Variants in KLF3 observed in about 807,000 individuals in gnomAD.
KLF3 encodes Krueppel-like factor 3.
In KLF3, 6 loss-of-function variants were observed where a neutral mutation model predicts 32.7. The ratio of observed to expected loss-of-function variants is 0.18; its 90% CI spans 0.10 to 0.36. The LOEUF (loss-of-function observed/expected upper bound fraction) is 0.36, where lower values mean the gene tolerates loss of function less well. Ranked by LOEUF, KLF3 falls within the 10% of genes least tolerant of loss-of-function variation. The pLI is 1.00. For missense variants in KLF3, 338 were observed against 449.7 expected, an observed-to-expected ratio of 0.75 and a Z score of 2.25; for synonymous variants, 145 against 172.8, an observed-to-expected ratio of 0.84 and a Z score of 1.26.
In KLF3 at chr4:38,699,980, T is replaced by G. The variant is rs1254483471; in HGVS notation, c.*2717T>G. The stretch of plus-strand genomic sequence containing the variant: ...AATGGTGATTTCAATCGCAATATTT[T>G]AAATTGATGAGAATGATTTGTAAAC... On this transcript the variant is annotated 3_prime_UTR_variant, in exon 6 of 6. Coordinates refer to ENST00000261438, the MANE Select transcript of KLF3 (RefSeq NM_016531.6). 1 of 152,250 alleles carries G rather than the reference T, an allele frequency of 6.6e-6. No homozygotes were observed. Among genetic ancestry groups the G allele is most frequent in the Non-Finnish European group, 1.5e-5 (1 of 68,036 alleles). 9.4% of individuals were successfully genotyped at this position (152,250 alleles called of 1,614,324 possible). A position where few individuals can be genotyped will look rare whatever the true frequency, so the allele number is the denominator to read the frequency against.
Position 38,697,421 on chromosome 4 carries a change from G to C in KLF3, c.*158G>C. ...ATCATCCAAAACTTCCATATGGTCA[G>C]TAGTAGATGTTCTCTAATCCTCCCT... On this transcript the variant is annotated 3_prime_UTR_variant, in exon 6 of 6. Coordinates refer to ENST00000261438, the MANE Select transcript of KLF3 (RefSeq NM_016531.6). The C allele has an allele frequency of 1.6e-6, 1 of 609,110 alleles. No homozygotes were observed. The highest frequency in any genetic ancestry group is 2.7e-6 in the Non-Finnish European group (1 of 366,688). 37.7% of individuals were successfully genotyped at this position (609,110 alleles called of 1,614,324 possible). A position where few individuals can be genotyped will look rare whatever the true frequency, so the allele number is the denominator to read the frequency against.
Position 38,689,710 on chromosome 4 carries a change from T to G in KLF3, c.545-19T>G. 3 of 1,558,514 alleles carry G rather than the reference T, an allele frequency of 1.9e-6. No individual in the cohort carries two copies. Among genetic ancestry groups the G allele is most frequent in the Non-Finnish European group, 2.6e-6 (3 of 1,151,070 alleles). ...TGGTAAACTGTACGTGAAGTGACTT[T>G]TCTATTTTTATTTTTTAGTACCTGT... On this transcript the variant is annotated intron_variant, in intron 3 of 5. Coordinates refer to ENST00000261438, the MANE Select transcript of KLF3 (RefSeq NM_016531.6).
In KLF3 at chr4:38,680,621, A is replaced by G; in HGVS notation, c.-5A>G. ...CAGAGCACCCTAGAAGGTTTAACTA[A>G]AAGAATGCTCATGTTTGACCCAGTT... On this transcript the variant is annotated 5_prime_UTR_variant, in exon 2 of 6. Transcript: ENST00000261438. 3 of 1,612,730 alleles carry G rather than the reference A, an allele frequency of 1.9e-6. No homozygotes were observed. Among genetic ancestry groups the G allele is most frequent in the Non-Finnish European group, 2.5e-6 (3 of 1,178,746 alleles).
At position 38,691,296 on chromosome 4, in the gene KLF3, A is replaced by G. The variant is rs141058270; in HGVS notation, c.695+1417A>G. Among the ~76,000 whole-genome samples the G allele has an allele frequency of 6.6e-4, 100 of 152,286 alleles. 1 individual carries two copies. The highest frequency in any genetic ancestry group is 2.1e-3 in the African/African-American group (88 of 41,556). On this transcript the variant is annotated intron_variant, in intron 4 of 5. Coordinates refer to ENST00000261438, the MANE Select transcript of KLF3 (RefSeq NM_016531.6). The stretch of plus-strand genomic sequence containing the variant: ...CCTGCCATCTTGTCATATCCAACCC[A>G]TTGCATCTGCTCATGCACTCAAGTG...
chr4:38,669,441 G>A (rs2109236605), intron 1 of KLF3, among the ~76,000 whole-genome samples: 1 of 152,190 alleles, frequency 6.6e-6, no homozygotes, highest in South Asian at 2.1e-4. Context: ...ACAGCAGTCT[G>A]CCCTGATAAG....
intron 2 of KLF3, among the ~76,000 whole-genome samples, chr4:38,682,136 G>A (rs1722545323): frequency 6.6e-6 from 1 of 152,238 alleles, no homozygotes; most frequent in Non-Finnish European, 1.5e-5. Context: ...TCAGCTCACT[G>A]CAACCTCCGC....
In KLF3 at chr4:38,680,673, T is replaced by C; in HGVS notation, c.48T>C (p.Pro16=). The change falls in exon 2 of 6, where the codon CCT becomes CCC. Residue 16 remains proline, a synonymous_variant. Transcript: ENST00000261438. Reference sequence around the variant, plus strand: ...CTGTCAAGCAAGAGGCCATGGACCCTGTCTCAGTGGTAAGTTTTCCAAGAT... The same window carrying C: ...CTGTCAAGCAAGAGGCCATGGACCCCGTCTCAGTGGTAAGTTTTCCAAGAT... ...PVPVKQEAMD[P]VSVSYPSNYM... is the part of the protein sequence containing the mutation. 6.2e-7 allele frequency: 1 copy of C among 1,612,822 alleles called. No individual in the cohort carries two copies. The highest frequency in any genetic ancestry group is 8.5e-7 in the Non-Finnish European group (1 of 1,178,814).
intron 2 of KLF3, 77 bp downstream of exon 2, chr4:38,680,759 T>G: frequency 1.6e-6 from 2 of 1,227,256 alleles, no homozygotes. Context: ...GAATTATTCC[T>G]TGAAATCATG....
At chr4:38,694,441 T>C (rs1722989560) in intron 4 of KLF3, among the ~76,000 whole-genome samples, 1 of 152,152 alleles carries the variant, frequency 6.6e-6, no homozygotes, top group South Asian at 2.1e-4. Flanking sequence ...CTTCTTACTG[T>C]CATTACTTAT....
intron 2 of KLF3, among the ~76,000 whole-genome samples, chr4:38,687,699 A>G (rs1311361943): frequency 6.6e-6 from 1 of 152,212 alleles, no homozygotes; most frequent in African/African-American, 2.4e-5. Context: ...TATGTGAGTC[A>G]TATCACGTTA....
Position 38,688,820 on chromosome 4 carries a change from C to T in KLF3, c.293C>T (p.Pro98Leu), listed in dbSNP as rs1722781410. 6.2e-7 allele frequency: 1 copy of T among 1,614,086 alleles called. No homozygotes were observed. The highest frequency in any genetic ancestry group is 8.5e-7 in the Non-Finnish European group (1 of 1,180,042). ...HRRASPGLSM[P>L]SSSPPIKKYS... ...AGAGCCTCGCCTGGGTTGAGCATGC[C>T]TTCTTCCAGCCCACCGATAAAAAAA... Residue 98 changes from proline (P) to leucine (L), a missense_variant, in exon 3 of 6, where the codon CCT becomes CTT. Physicochemically the swap from Pro to Leu is moderately conservative, Grantham distance 98. Around this residue, in one of 2 missense-constraint regions of KLF3, gnomAD observed 272 missense variants for 313.4 expected, o/e 0.87. Transcript: ENST00000261438. This position sits in a 1 kb window ranked among gnomAD's most constrained non-coding sequence, Gnocchi z 4.9.
chr4:38,673,248 CG>C (rs1722252266), intron 1 of KLF3, among the ~76,000 whole-genome samples: 1 of 152,120 alleles, frequency 6.6e-6, no homozygotes, highest in African/African-American at 2.4e-5. Context: ...TGCTGCCCAG[CG>C]CCAACTGGTC....
intron 4 of KLF3, among the ~76,000 whole-genome samples, chr4:38,693,103 T>TACGTATAC (rs1491300202): frequency 2.3e-5 from 2 of 87,124 alleles, no homozygotes; most frequent in African/African-American, 8.8e-5. Flanking sequence ...TATATATATA[T>TACGTATAC]GTACATATAT....
intron 2 of KLF3, 48 bp downstream of exon 2, chr4:38,680,730 G>C (rs778028275): frequency 7.2e-7 from 1 of 1,390,690 alleles, no homozygotes; most frequent in Non-Finnish European, 1.0e-6. Flanking sequence ...TCCAAGTGAT[G>C]ATAACATTAT....
Position 38,674,132 on chromosome 4 carries a change from G to C in KLF3, c.-39-6455G>C, listed in dbSNP as rs1230719371. Among the ~76,000 whole-genome samples the C allele has an allele frequency of 1.3e-5, 2 of 152,194 alleles. No individual in the cohort carries two copies. Among genetic ancestry groups the C allele is most frequent in the Non-Finnish European group, 2.9e-5 (2 of 68,040 alleles). On this transcript the variant is annotated intron_variant, in intron 1 of 5. Coordinates refer to ENST00000261438, the MANE Select transcript of KLF3 (RefSeq NM_016531.6). The surrounding 1 kb of genome is among the most constrained non-coding windows in gnomAD (Gnocchi z 4.1). ...AAGAGTAGGACAGGTGAAAATCACA[G>C]AGTGGCATGAAAATTTCCAAGAATG...
rs776327767 is a variant in KLF3, at chr4:38,688,319, T to G, written c.58-266T>G. On this transcript the variant is annotated intron_variant, in intron 2 of 5. Coordinates refer to ENST00000261438, the MANE Select transcript of KLF3 (RefSeq NM_016531.6). The surrounding 1 kb of genome is among the most constrained non-coding windows in gnomAD (Gnocchi z 4.9). ...TTAATGTTTGACACAGGAATCATCT[T>G]AGGATTAAATTTCAGATTTTTCATC... Among the ~76,000 whole-genome samples, 3 of 152,176 alleles carry G rather than the reference T, an allele frequency of 2.0e-5. No individual in the cohort carries two copies. The highest frequency in any genetic ancestry group is 7.2e-5 in the African/African-American group (3 of 41,440).
chr4:38,669,098 C>A (rs1334975713), intron 1 of KLF3, among the ~76,000 whole-genome samples: 1 of 151,982 alleles, frequency 6.6e-6, no homozygotes, highest in Non-Finnish European at 1.5e-5. Context: ...TGTTTTCACA[C>A]CCAGTTGAGT....
In KLF3 at chr4:38,697,581, T is replaced by A; in HGVS notation, c.*318T>A. ...ACATGTAAACTAACATAACCAATTG[T>A]CAGTTCTCCATGTATTCCTCAAAAG... On this transcript the variant is annotated 3_prime_UTR_variant, in exon 6 of 6. Transcript: ENST00000261438. 1 of 244,364 alleles carries A rather than the reference T, an allele frequency of 4.1e-6. No homozygotes were observed. 15.1% of individuals were successfully genotyped at this position (244,364 alleles called of 1,614,324 possible).
Position 38,680,788 on chromosome 4 carries a change from C to T in KLF3, c.57+106C>T, listed in dbSNP as rs139101829. 6.0e-4 allele frequency: 528 copies of T among 883,874 alleles called. 1 individual carries two copies. In the African/African-American group the frequency reaches 7.9e-3, roughly 13 times the overall value. 54.8% of individuals were successfully genotyped at this position (883,874 alleles called of 1,614,324 possible). On this transcript the variant is annotated intron_variant, in intron 2 of 5. Transcript: ENST00000261438. Reference sequence around the variant, plus strand: ...AATCATGGCCGGGCGTGGTGGCTCACGCCTGTAATCCCAGCACTTTGGGAG... The same window carrying T: ...AATCATGGCCGGGCGTGGTGGCTCATGCCTGTAATCCCAGCACTTTGGGAG...
Sources: gnomAD v4.1 joint callset for allele counts (sites outside exome capture counted in the v4.1 genomes callset) on GRCh38, gnomAD v4.1.1 for gene constraint, gnomAD v4.1.1 regional missense constraint, Gnocchi (gnomAD v3.1) non-coding constraint, MANE v1.5 for transcripts, NCBI Gene and HGNC (gene_info 2026-07-23, HGNC 2026-07-21) for gene names.